Variants in HCN1 observed in about 807,000 individuals in gnomAD.
The protein encoded by HCN1 is potassium/sodium hyperpolarization-activated cyclic nucleotide-gated channel 1.
HCN1 carries 13 observed loss-of-function variants against 78.9 expected under a neutral mutation model. The ratio of observed to expected loss-of-function variants is 0.16; its 90% confidence interval spans 0.11 to 0.26. The LOEUF is 0.26. Among genes scored for constraint, HCN1 ranks in the 10% least tolerant of loss-of-function variants. The pLI is 1.00. For missense variants in HCN1, 810 were observed against 1,154.3 expected (o/e 0.70, Z 4.32); for synonymous variants, 552 against 455.5 (o/e 1.21, Z -2.70).
intron 5 of HCN1, among the ~76,000 whole-genome samples, chr5:45,320,460 T>C (rs1746102320): frequency 6.6e-6 from 1 of 151,892 alleles, no homozygotes; most frequent in South Asian, 2.1e-4. Flanking sequence ...TTAGGTATTG[T>C]CTAAATGTTT....
chr5:45,627,620 A>G (rs1409857250), intron 2 of HCN1, among the ~76,000 whole-genome samples: 1 of 152,186 alleles, frequency 6.6e-6, no homozygotes, highest in Non-Finnish European at 1.5e-5. Context: ...AATAATACCT[A>G]TCATGTCTAC....
chr5:45,493,914 T>A (rs559041862), intron 2 of HCN1, among the ~76,000 whole-genome samples: 1 of 152,212 alleles, frequency 6.6e-6, no homozygotes, highest in African/African-American at 2.4e-5. Context: ...TCCATGTCCC[T>A]ACAAAGGACA....
intron 6 of HCN1, among the ~76,000 whole-genome samples, chr5:45,271,600 T>A (rs930516867): frequency 6.6e-6 from 1 of 152,172 alleles, no homozygotes; most frequent in Non-Finnish European, 1.5e-5. Context: ...CTTAACTCTG[T>A]AACTAACTTA....
intron 2 of HCN1, among the ~76,000 whole-genome samples, chr5:45,615,886 AAC>A (rs147362131): frequency 6.1e-4 from 92 of 152,030 alleles, no homozygotes; most frequent in African/African-American, 2.0e-3. Context: ...CTTGAAATGC[AAC>A]AGTTATTCAA....
chr5:45,656,248 C>T (rs1745762681), intron 1 of HCN1, among the ~76,000 whole-genome samples: 1 of 152,106 alleles, frequency 6.6e-6, no homozygotes, highest in South Asian at 2.1e-4. Flanking sequence ...TTGCATGGCA[C>T]AAATATTAAT....
At chr5:45,399,924 C>T (rs941556984) in intron 3 of HCN1, among the ~76,000 whole-genome samples, 2 of 152,156 alleles carry the variant, frequency 1.3e-5, no homozygotes, top group Middle Eastern at 6.8e-3. Context: ...ATAATAAACT[C>T]ATGCAAAAAC....
At chr5:45,407,895 G>T (rs1739956491) in intron 3 of HCN1, among the ~76,000 whole-genome samples, 1 of 152,094 alleles carries the variant, frequency 6.6e-6, no homozygotes, top group Non-Finnish European at 1.5e-5. Context: ...AGGTGTGGTG[G>T]TAGAAGACAG....
At chr5:45,649,451 A>C (rs2112038113) in intron 1 of HCN1, among the ~76,000 whole-genome samples, 1 of 152,300 alleles carries the variant, frequency 6.6e-6, no homozygotes, top group African/African-American at 2.4e-5. Context: ...AGTTTACATT[A>C]GGATTCACTG....
intron 3 of HCN1, among the ~76,000 whole-genome samples, chr5:45,415,019 TATC>T (rs1349707358): frequency 6.6e-6 from 1 of 152,066 alleles, no homozygotes; most frequent in East Asian, 1.9e-4. Flanking sequence ...CACAATTAGA[TATC>T]ATCCTGTCAT....
At chr5:45,462,383 CTT>C (rs1224494831) in intron 2 of HCN1, among the ~76,000 whole-genome samples, 1 of 152,058 alleles carries the variant, frequency 6.6e-6, no homozygotes, top group Non-Finnish European at 1.5e-5. Context: ...CTTCTCATCT[CTT>C]GTTATATTAA....
chr5:45,280,458 A>AC (rs1179499254), intron 6 of HCN1, among the ~76,000 whole-genome samples: 3 of 152,180 alleles, frequency 2.0e-5, no homozygotes, highest in African/African-American at 7.2e-5. Context: ...CCTCAGCCCT[A>AC]CTGACATTTT....
intron 2 of HCN1, among the ~76,000 whole-genome samples, chr5:45,617,948 G>C (rs1233548501): frequency 6.6e-6 from 1 of 152,092 alleles, no homozygotes; most frequent in Admixed American, 6.6e-5. Flanking sequence ...GTATATTGTA[G>C]ACTTACTATC....
chr5:45,311,361 G>A (rs368831156), intron 5 of HCN1, among the ~76,000 whole-genome samples: 1 of 151,884 alleles, frequency 6.6e-6, no homozygotes, highest in Non-Finnish European at 1.5e-5. Context: ...CTAGCAAAAG[G>A]GTGGATTTCA....
intron 6 of HCN1, among the ~76,000 whole-genome samples, chr5:45,298,240 G>A (rs979532189): frequency 5.3e-5 from 8 of 151,966 alleles, no homozygotes; most frequent in East Asian, 3.9e-4. Flanking sequence ...ATTTATAATC[G>A]GAGAGAACTG....
At chr5:45,629,978 G>C (rs1469080405) in intron 2 of HCN1, among the ~76,000 whole-genome samples, 1 of 152,166 alleles carries the variant, frequency 6.6e-6, no homozygotes, top group South Asian at 2.1e-4. Context: ...GTAAAATAAA[G>C]ATTAATTTAT....
intron 3 of HCN1, among the ~76,000 whole-genome samples, chr5:45,446,108 C>T (rs1740788423): frequency 6.6e-6 from 1 of 152,124 alleles, no homozygotes; most frequent in African/African-American, 2.4e-5. Context: ...GGAGGAAATT[C>T]AAACCAAAGG....
chr5:45,503,102 T>C (rs572434084), intron 2 of HCN1, among the ~76,000 whole-genome samples: 3 of 152,324 alleles, frequency 2.0e-5, no homozygotes, highest in East Asian at 1.9e-4. Flanking sequence ...TTTTATAAAA[T>C]GTTAGGTAGG....
At chr5:45,349,274 C>A (rs1284757150) in intron 5 of HCN1, among the ~76,000 whole-genome samples, 3 of 152,184 alleles carry the variant, frequency 2.0e-5, no homozygotes, top group African/African-American at 7.2e-5. Flanking sequence ...TGAATGACTA[C>A]TGGGTACATA....
chr5:45,463,757 GT>G (rs1202980442), intron 2 of HCN1, among the ~76,000 whole-genome samples: 1 of 151,900 alleles, frequency 6.6e-6, no homozygotes, highest in Non-Finnish European at 1.5e-5. Context: ...CATGAACTTA[GT>G]TTTTTTGTTG....
Sources: gnomAD v4.1 joint callset for allele counts (sites outside exome capture counted in the v4.1 genomes callset) on GRCh38, gnomAD v4.1.1 for gene constraint, MANE v1.5 for transcripts, NCBI Gene and HGNC (gene_info 2026-07-23, HGNC 2026-07-21) for gene names.